The following CADPS variants were observed in gnomAD, a reference collection of about 807,000 sequenced individuals.
CADPS encodes the protein calcium-dependent secretion activator 1.
A neutral mutation model predicts 167.3 loss-of-function variants in CADPS; 57 were observed. The ratio of observed to expected loss-of-function variants is 0.34; its 90% CI spans 0.28 to 0.42. CADPS has a LOEUF of 0.42. Ranked by LOEUF, CADPS falls within the 20% of genes least tolerant of loss-of-function variation. The pLI, the probability that CADPS is intolerant of heterozygous loss-of-function variation, is 1.00. For synonymous variants in CADPS, 676 were observed against 635.3 expected (o/e 1.06, Z -0.96); for missense variants, 1,414 against 1,738.1 (o/e 0.81, Z 3.32).
intron 1 of CADPS, among the ~76,000 whole-genome samples, chr3:62,795,249 C>A (rs183657229): frequency 4.6e-5 from 7 of 152,138 alleles, no homozygotes; most frequent in African/African-American, 1.7e-4. Flanking sequence ...TTTTTGAAAT[C>A]ACCATCTCTA....
intron 1 of CADPS, among the ~76,000 whole-genome samples, chr3:62,822,997 G>A (rs1300347782): frequency 6.6e-6 from 1 of 152,188 alleles, no homozygotes; most frequent in Non-Finnish European, 1.5e-5. Flanking sequence ...CCAGAACCTT[G>A]ACTGACAATA....
intron 11 of CADPS, among the ~76,000 whole-genome samples, chr3:62,542,326 C>T (rs765899240): frequency 6.6e-5 from 10 of 152,032 alleles, no homozygotes; most frequent in South Asian, 2.1e-4. Context: ...TTCTCTTATA[C>T]GGAAAATGTG....
intron 28 of CADPS, chr3:62,403,836 T>C (rs1463180086): frequency 6.6e-6 from 1 of 152,154 alleles, no homozygotes; most frequent in East Asian, 1.9e-4. Flanking sequence ...CACCAAAAAA[T>C]TATGGAAGAT....
chr3:62,548,517 A>G (rs941935232), intron 11 of CADPS, among the ~76,000 whole-genome samples: 8 of 152,166 alleles, frequency 5.3e-5, no homozygotes, highest in Admixed American at 3.3e-4. Flanking sequence ...GTGATCCAAA[A>G]GAAGTTGTAT....
At position 62,755,325 on chromosome 3, in the gene CADPS, C is replaced by T. The variant is rs1030825432; in HGVS notation, c.556-1552G>A. Among the ~76,000 whole-genome samples the T allele has an allele frequency of 7.2e-5, 11 of 152,320 alleles. No homozygotes were observed. The South Asian group carries it at 1.0e-3, about 14-fold the overall frequency. ...TTAAGAAAGTCTTATTTTTGCTCCA[C>T]TGCCCACCATTCGGAAGCTTACATG... On this transcript the variant is annotated intron_variant, in intron 2 of 29. Transcript: ENST00000383710.
chr3:62,810,080 A>T (rs1420621407), intron 1 of CADPS, among the ~76,000 whole-genome samples: 1 of 152,090 alleles, frequency 6.6e-6, no homozygotes, highest in Non-Finnish European at 1.5e-5. Context: ...GCTGCTAAGG[A>T]CCTATGTGAT....
intron 1 of CADPS, among the ~76,000 whole-genome samples, chr3:62,873,558 A>G (rs1284875426): frequency 1.4e-5 from 2 of 143,116 alleles, no homozygotes; most frequent in African/African-American, 5.3e-5. Flanking sequence ...ACTGCCCCTC[A>G]TCTTGCAGTA....
intron 6 of CADPS, among the ~76,000 whole-genome samples, chr3:62,640,909 C>T (rs980708546): frequency 2.6e-5 from 4 of 151,982 alleles, no homozygotes; most frequent in African/African-American, 9.7e-5. Context: ...ATATTTTCTA[C>T]TCAGGGAATA....
intron 1 of CADPS, among the ~76,000 whole-genome samples, chr3:62,851,508 G>T: frequency 6.7e-6 from 1 of 149,392 alleles, no homozygotes; most frequent in East Asian, 2.0e-4. Flanking sequence ...TGTCTGTAAA[G>T]TATTTTATTT....
chr3:62,868,526 T>C (rs1310255246), intron 1 of CADPS, among the ~76,000 whole-genome samples: 1 of 152,116 alleles, frequency 6.6e-6, no homozygotes, highest in Non-Finnish European at 1.5e-5. Context: ...GTGAAATATT[T>C]TGATAGTTTT....
At chr3:62,553,974 C>G (rs1187401450) in intron 10 of CADPS, among the ~76,000 whole-genome samples, 1 of 152,130 alleles carries the variant, frequency 6.6e-6, no homozygotes, top group African/African-American at 2.4e-5. Context: ...GGAGGCAGAC[C>G]AGGCAAAGGA....
At chr3:62,822,613 G>A (rs143708800) in intron 1 of CADPS, among the ~76,000 whole-genome samples, 3,389 of 152,244 alleles carry the variant, frequency 0.022, 56 homozygotes, top group South Asian at 0.05. Flanking sequence ...AGGCCGAGAC[G>A]GGTGGATCAC....
At chr3:62,436,810 G>A (rs1050410600) in intron 28 of CADPS, among the ~76,000 whole-genome samples, 1 of 152,062 alleles carries the variant, frequency 6.6e-6, no homozygotes, top group Non-Finnish European at 1.5e-5. Context: ...TCGAGGAAAG[G>A]TGATGCAGGG....
intron 26 of CADPS, among the ~76,000 whole-genome samples, chr3:62,453,031 G>T (rs905685254): frequency 6.6e-6 from 1 of 152,152 alleles, no homozygotes; most frequent in African/African-American, 2.4e-5. Context: ...TACTCAGGAG[G>T]CTGAGGCAGG....
rs181328456 is a variant in CADPS, at chr3:62,521,682, C to T, written c.2292-3432G>A. On this transcript the variant is annotated intron_variant, in intron 13 of 29. Coordinates refer to ENST00000383710, the MANE Select transcript of CADPS (RefSeq NM_003716.4). ...CCTGCCTAGAAGCCTGACTCTCTCACGCTCTCGTGTCCTGACTGTGAATAT... is the reference window on the plus strand; with the variant it reads ...CCTGCCTAGAAGCCTGACTCTCTCATGCTCTCGTGTCCTGACTGTGAATAT... Among the ~76,000 whole-genome samples the T allele has an allele frequency of 2.9e-3, 446 of 152,320 alleles. 4 individuals carry two copies. The highest frequency in any genetic ancestry group is 0.01 in the African/African-American group (417 of 41,576).
intron 9 of CADPS, among the ~76,000 whole-genome samples, chr3:62,569,363 A>G (rs573745658): frequency 3.3e-5 from 5 of 152,262 alleles, no homozygotes; most frequent in Admixed American, 2.6e-4. Context: ...CGGCTTCCCA[A>G]AGTGCTGGGA....
In CADPS at chr3:62,491,343, C is replaced by T. The variant is rs1449775502; in HGVS notation, c.3022G>A (p.Val1008Ile). The T allele has an allele frequency of 6.2e-7, 1 of 1,613,764 alleles. No homozygotes were observed. The stretch of plus-strand genomic sequence containing the variant: ...TATCAAAAAAGGTTTCCTTACTTGA[C>T]TGGTTCCCATGACTCCCGCTCAAAG... The part of the protein sequence containing the change: ...RGFERESWEP[V>I]KSLTSNLPNV... The change falls in exon 21 of 30, where the codon GTC (valine) becomes ATC (isoleucine). Residue 1008 changes from valine (V) to isoleucine (I), a missense_variant. By Grantham distance (29) the Val-to-Ile change is conservative. This residue lies in a region of CADPS where 529 missense variants were observed against 629.6 expected (regional missense o/e 0.84). Transcript: ENST00000383710.
intron 9 of CADPS, among the ~76,000 whole-genome samples, chr3:62,568,854 A>C (rs1206692968): frequency 6.6e-6 from 1 of 152,218 alleles, no homozygotes; most frequent in Non-Finnish European, 1.5e-5. Context: ...TCTATGAGTT[A>C]ACTCCAAAGC....
chr3:62,399,702 T>A lies in CADPS; in HGVS notation c.3883-117A>T. On this transcript the variant is annotated intron_variant, in intron 29 of 29. Coordinates refer to ENST00000383710, the MANE Select transcript of CADPS (RefSeq NM_003716.4). This position sits in a 1 kb window ranked among gnomAD's most constrained non-coding sequence, Gnocchi z 5.6. ...ACCTTCAGCTAAATATCACACTTTA[T>A]GCATTGTCAAATAAAAAGCCACTGT... is the stretch of plus-strand genomic sequence containing the variant. 1 of 743,732 alleles carries A rather than the reference T, an allele frequency of 1.3e-6. No homozygotes were observed. Among genetic ancestry groups the A allele is most frequent in the Admixed American group, 2.5e-5 (1 of 39,428 alleles). 46.1% of individuals were successfully genotyped at this position (743,732 alleles called of 1,614,324 possible).
Sources: gnomAD v4.1 joint callset for allele counts (sites outside exome capture counted in the v4.1 genomes callset) on GRCh38, gnomAD v4.1.1 for gene constraint, gnomAD v4.1.1 regional missense constraint, Gnocchi (gnomAD v3.1) non-coding constraint, MANE v1.5 for transcripts, NCBI Gene and HGNC (gene_info 2026-07-23, HGNC 2026-07-21) for gene names.